The following PPP1R1C variants were observed in gnomAD, a reference collection of about 807,000 sequenced individuals.
PPP1R1C encodes the protein protein phosphatase 1 regulatory subunit 1C.
PPP1R1C carries 15 observed loss-of-function variants against 17.4 expected under a neutral mutation model. The observed-to-expected ratio is 0.86, with a 90% CI of 0.58 to 1.33. PPP1R1C has a LOEUF of 1.33. PPP1R1C is among the 40% of genes most tolerant of loss of function. The pLI, the probability that PPP1R1C is intolerant of heterozygous loss-of-function variation, is 0.00. For missense variants in PPP1R1C, 143 were observed against 130.0 expected (o/e 1.10, Z -0.48); for synonymous variants, 35 against 43.1 (o/e 0.81, Z 0.73).
downstream of PPP1R1C, among the ~76,000 whole-genome samples, chr2:182,122,640 C>A (rs1189070699): frequency 2.6e-5 from 4 of 151,464 alleles, no homozygotes; most frequent in South Asian, 4.2e-4. Flanking sequence ...TCAACAGATG[C>A]ATATTTAAAT....
At chr2:182,118,631 G>A (rs74647947), downstream of PPP1R1C, among the ~76,000 whole-genome samples, 1 of 139,550 alleles carries the variant, frequency 7.2e-6, no homozygotes, top group Non-Finnish European at 1.6e-5. Flanking sequence ...TTGTAATGTA[G>A]AAGTTAAGAG....
intron 4 of PPP1R1C, among the ~76,000 whole-genome samples, chr2:182,108,581 T>C (rs2125232655): frequency 6.6e-6 from 1 of 152,346 alleles, no homozygotes; most frequent in Non-Finnish European, 1.5e-5. Flanking sequence ...CATATATTCA[T>C]TTGGGTATAC....
chr2:182,055,784 C>T (rs977297944), intron 2 of PPP1R1C, among the ~76,000 whole-genome samples: 1 of 152,150 alleles, frequency 6.6e-6, no homozygotes, highest in Non-Finnish European at 1.5e-5. Context: ...ATTTTAGAGA[C>T]ATTTTAAAAC....
intron 2 of PPP1R1C, among the ~76,000 whole-genome samples, chr2:182,002,927 A>ACCCCCCC (rs200353111): frequency 6.6e-5 from 6 of 90,918 alleles, no homozygotes; most frequent in African/African-American, 8.8e-5. Flanking sequence ...GATGCCATAA[A>ACCCCCCC]CCTCCCCCCC....
intron 4 of PPP1R1C, 72 bp from the exon 5 acceptor site, chr2:182,117,135 C>A: frequency 9.4e-7 from 1 of 1,065,880 alleles, no homozygotes; most frequent in Non-Finnish European, 1.4e-6. Context: ...TTTTCTTTAT[C>A]TTTTGCAGCA....
chr2:182,013,653 CCATCAA>C (rs1344923528), intron 2 of PPP1R1C, among the ~76,000 whole-genome samples: 1 of 152,076 alleles, frequency 6.6e-6, no homozygotes, highest in Non-Finnish European at 1.5e-5. Flanking sequence ...CTCTTTAAGA[CCATCAA>C]CTCTTAGATT....
chr2:182,048,098 A>G (rs758088263), intron 2 of PPP1R1C, among the ~76,000 whole-genome samples: 23 of 152,184 alleles, frequency 1.5e-4, no homozygotes, highest in Non-Finnish European at 2.6e-4. Context: ...GGAAAGCTAT[A>G]AATAATATTG....
intron 2 of PPP1R1C, among the ~76,000 whole-genome samples, chr2:182,045,365 A>G (rs1402724892): frequency 6.6e-6 from 1 of 152,134 alleles, no homozygotes; most frequent in Non-Finnish European, 1.5e-5. Context: ...ATATTTTTCA[A>G]GTCGATAAAA....
chr2:182,026,693 G>C (rs910877141), intron 2 of PPP1R1C, among the ~76,000 whole-genome samples: 5 of 152,116 alleles, frequency 3.3e-5, no homozygotes, highest in African/African-American at 1.2e-4. Context: ...GGCAATGCGG[G>C]CTCTTTTTTG....
chr2:182,051,714 T>C (rs970782965), intron 2 of PPP1R1C, among the ~76,000 whole-genome samples: 3 of 152,222 alleles, frequency 2.0e-5, no homozygotes, highest in African/African-American at 7.2e-5. Context: ...GAACTTGATA[T>C]TGACATAATG....
intron 2 of PPP1R1C, among the ~76,000 whole-genome samples, chr2:182,053,780 T>C (rs192389554): frequency 7.4e-5 from 11 of 149,212 alleles, no homozygotes; most frequent in Admixed American, 7.3e-4. Context: ...TTTATTTATT[T>C]TATTTATTTA....
At chr2:182,121,798 G>A (rs1371049532), downstream of PPP1R1C, among the ~76,000 whole-genome samples, 2 of 152,070 alleles carry the variant, frequency 1.3e-5, no homozygotes, top group African/African-American at 2.4e-5. Flanking sequence ...CCCCGTTCCC[G>A]GCCTACCCTA....
chr2:182,039,675 A>G (rs1044862449), intron 2 of PPP1R1C, among the ~76,000 whole-genome samples: 1 of 151,904 alleles, frequency 6.6e-6, no homozygotes, highest in Admixed American at 6.6e-5. Flanking sequence ...GTGAGCCACC[A>G]CTCCTGGCAC....
intron 4 of PPP1R1C, among the ~76,000 whole-genome samples, chr2:182,110,078 A>G (rs908244983): frequency 6.6e-6 from 1 of 151,436 alleles, no homozygotes; most frequent in Admixed American, 6.7e-5. Context: ...ATTCACAATA[A>G]TACAGAGTAT....
chr2:182,122,409 A>T (rs1689755599), downstream of PPP1R1C, among the ~76,000 whole-genome samples: 2 of 152,322 alleles, frequency 1.3e-5, no homozygotes, highest in Non-Finnish European at 2.9e-5. Context: ...CAAATCCATG[A>T]TTCCATACCT....
chr2:182,040,176 A>G (rs1687139097), intron 2 of PPP1R1C, among the ~76,000 whole-genome samples: 1 of 152,158 alleles, frequency 6.6e-6, no homozygotes, highest in Non-Finnish European at 1.5e-5. Context: ...CCCAGTAGTG[A>G]GATTGCTAGA....
Position 181,961,256 on chromosome 2 carries a change from G to C in PPP1R1C, n.111+6622G>C, listed in dbSNP as rs1684777149. 1.3e-6 allele frequency: 1 copy of C among 793,318 alleles called. No homozygotes were observed. Among genetic ancestry groups the C allele is most frequent in the African/African-American group, 1.7e-5 (1 of 59,528 alleles). The allele number at this position is 793,318 out of a possible 1,614,324, so 49.1% of individuals were successfully genotyped here. On this transcript the variant is annotated intron_variant and non_coding_transcript_variant, in intron 1 of 5. Transcript: ENST00000464264. This position sits in a 1 kb window ranked among gnomAD's most constrained non-coding sequence, Gnocchi z 5.8. ...GGTCTCAGACACCACTTTGCGGCGGGTGGTGGTCTTTGGATGGTTTGCATG... is the reference window on the plus strand; with the variant it reads ...GGTCTCAGACACCACTTTGCGGCGGCTGGTGGTCTTTGGATGGTTTGCATG...
intron 2 of PPP1R1C, among the ~76,000 whole-genome samples, chr2:181,997,408 C>T (rs1324869503): frequency 1.3e-5 from 2 of 152,024 alleles, no homozygotes; most frequent in Non-Finnish European, 2.9e-5. Context: ...CAAAAGAGGC[C>T]TGAACCTGCC....
At chr2:182,027,854 G>T (rs1220560017) in intron 2 of PPP1R1C, among the ~76,000 whole-genome samples, 2 of 137,386 alleles carry the variant, frequency 1.5e-5, no homozygotes, top group Non-Finnish European at 3.2e-5. Flanking sequence ...ACTCTTTTTG[G>T]TTGGTAAACT....
Sources: gnomAD v4.1 joint callset for allele counts (sites outside exome capture counted in the v4.1 genomes callset) on GRCh38, gnomAD v4.1.1 for gene constraint, Gnocchi (gnomAD v3.1) non-coding constraint, MANE v1.5 for transcripts, NCBI Gene and HGNC (gene_info 2026-07-23, HGNC 2026-07-21) for gene names.